The following EIF4ENIF1 variants were observed in gnomAD, a reference collection of about 807,000 sequenced individuals.
EIF4ENIF1 encodes eukaryotic translation initiation factor 4E transporter.
EIF4ENIF1 carries 23 observed loss-of-function variants against 110.5 expected under a neutral mutation model. That is an observed-to-expected ratio of 0.21 (90% confidence interval 0.15 to 0.29). The LOEUF (loss-of-function observed/expected upper bound fraction) is 0.29, where lower values mean the gene tolerates loss of function less well. Among genes scored for constraint, EIF4ENIF1 ranks in the 10% least tolerant of loss-of-function variants. The probability of loss-of-function intolerance (pLI) is 1.00; values close to 1 mark genes in which losing one functional copy is unlikely to be tolerated. For synonymous variants in EIF4ENIF1, 440 were observed against 437.0 expected (o/e 1.01, Z -0.09); for missense variants, 1,031 against 1,221.1 (o/e 0.84, Z 2.32).
Position 31,455,978 on chromosome 22 carries a change from C to T in EIF4ENIF1, c.973G>A (p.Asp325Asn). The change falls in exon 8 of 19, where the codon GAT (aspartate) becomes AAT (asparagine). Residue 325 changes from aspartate (D) to asparagine (N), a missense_variant. Asp to Asn is a conservative substitution (Grantham distance 23). Around this residue, in one of 3 missense-constraint regions of EIF4ENIF1, gnomAD observed 704 missense variants for 879.7 expected, o/e 0.80. Coordinates refer to ENST00000330125, the MANE Select transcript of EIF4ENIF1 (RefSeq NM_019843.4). ...KVPCLASMIE[D>N]VLGEGSVSAS... ...GAGACTGACCCTTCTCCCAAAACAT[C>T]TTCTATCATCTGAAGAAAAAGACAA... is the stretch of plus-strand genomic sequence containing the variant. The T allele has an allele frequency of 6.2e-7, 1 of 1,613,698 alleles. No individual in the cohort carries two copies. The highest frequency in any genetic ancestry group is 8.5e-7 in the Non-Finnish European group (1 of 1,179,898).
At chr22:31,453,376 C>CTTT in intron 10 of EIF4ENIF1, 517 of 322,070 alleles carry the variant, frequency 1.6e-3, no homozygotes, top group South Asian at 3.1e-3. Context: ...ACCCATCTTA[C>CTTT]TTTTTTTTTT....
chr22:31,491,491 T>A (rs1310278146), upstream of EIF4ENIF1, among the ~76,000 whole-genome samples: 2 of 149,770 alleles, frequency 1.3e-5, no homozygotes, highest in Admixed American at 6.6e-5. Context: ...CCTTTCCTCA[T>A]TTTTCCGAAA....
chr22:31,453,318 C>T, intron 10 of EIF4ENIF1: 1 of 363,038 alleles, frequency 2.8e-6, no homozygotes, highest in South Asian at 2.1e-5. Context: ...AACTTGGAGC[C>T]ACAACTTTTT....
intron 2 of EIF4ENIF1, among the ~76,000 whole-genome samples, chr22:31,473,935 T>C (rs1424291307): frequency 6.6e-6 from 1 of 152,328 alleles, no homozygotes; most frequent in East Asian, 1.9e-4. Flanking sequence ...TTTGCCACTC[T>C]AGCCCTCTCT....
At chr22:31,450,848 CACACACACACACACACACA>C (rs2050643832) in intron 10 of EIF4ENIF1, 1 of 67,848 alleles carries the variant, frequency 1.5e-5, no homozygotes, top group Non-Finnish European at 3.3e-5. Context: ...ATATACTACA[CACACACACACACACACACA>C]CACACACACA....
At position 31,485,199 on chromosome 22, in the gene EIF4ENIF1, A is replaced by C. The variant is rs555980432; in HGVS notation, c.96+3424T>G. Among the ~76,000 whole-genome samples, 6 of 152,338 alleles carry C rather than the reference A, an allele frequency of 3.9e-5. 1 individual carries two copies. The South Asian group carries it at 1.2e-3, about 32-fold the overall frequency. ...GTAGAAAGTAAACCTATTTCCAATT[A>C]ATTTGGTAGAAAAGACTTAAATCTA... On this transcript the variant is annotated intron_variant, in intron 2 of 18. Transcript: ENST00000330125.
At chr22:31,490,121 C>T (rs1190770191), upstream of EIF4ENIF1, among the ~76,000 whole-genome samples, 1 of 152,210 alleles carries the variant, frequency 6.6e-6, no homozygotes, top group Non-Finnish European at 1.5e-5. Context: ...GCCCAGAGGC[C>T]ACCGCCGCCG....
intron 2 of EIF4ENIF1, among the ~76,000 whole-genome samples, chr22:31,477,707 T>C (rs2051642946): frequency 6.6e-6 from 1 of 152,212 alleles, no homozygotes; most frequent in Non-Finnish European, 1.5e-5. Context: ...GGGCGCACTT[T>C]TGACCAAATA....
At chr22:31,485,483 A>C (rs1450289156) in intron 2 of EIF4ENIF1, among the ~76,000 whole-genome samples, 2 of 152,226 alleles carry the variant, frequency 1.3e-5, no homozygotes, top group Non-Finnish European at 2.9e-5. Flanking sequence ...GTGATTCAAA[A>C]GCCTCTCTGC....
intron 17 of EIF4ENIF1, among the ~76,000 whole-genome samples, chr22:31,441,100 C>T (rs1055781092): frequency 6.6e-6 from 1 of 152,072 alleles, no homozygotes; most frequent in Non-Finnish European, 1.5e-5. Context: ...ACTAAAAATA[C>T]AAAAATTAGC....
Position 31,462,993 on chromosome 22 carries a change from T to C in EIF4ENIF1, c.726A>G (p.Ile242Met), listed in dbSNP as rs1466733864. 1.2e-6 allele frequency: 2 copies of C among 1,614,094 alleles called. No individual in the cohort carries two copies. Among genetic ancestry groups the C allele is most frequent in the African/African-American group, 1.3e-5 (1 of 74,942 alleles). ...TTCTCCCTTTGTGATCTTCTTCTAG[T>C]ATCTTATCATCAAAGCCAGTCAGTT... ...TIELTGFDDKILEEDHKGRKR... is the reference protein window; with the variant it reads ...TIELTGFDDKMLEEDHKGRKR... Residue 242 changes from isoleucine (I) to methionine (M), a missense_variant, in exon 6 of 19, where the codon ATA (isoleucine) becomes ATG (methionine). Around this residue, in one of 3 missense-constraint regions of EIF4ENIF1, gnomAD observed 704 missense variants for 879.7 expected, o/e 0.80. Coordinates refer to ENST00000330125, the MANE Select transcript of EIF4ENIF1 (RefSeq NM_019843.4).
At chr22:31,487,384 C>T (rs2052072763) in intron 2 of EIF4ENIF1, among the ~76,000 whole-genome samples, 1 of 152,194 alleles carries the variant, frequency 6.6e-6, no homozygotes, top group Admixed American at 6.5e-5. Flanking sequence ...ATTAATCTGA[C>T]AGTATTTGAT....
chr22:31,446,818 C>T, intron 14 of EIF4ENIF1: 2 of 286,264 alleles, frequency 7.0e-6, no homozygotes, highest in Admixed American at 5.1e-5. Context: ...AATAATATTG[C>T]CACTCCTTTC....
At chr22:31,480,292 T>C (rs981301847) in intron 2 of EIF4ENIF1, among the ~76,000 whole-genome samples, 1 of 152,236 alleles carries the variant, frequency 6.6e-6, no homozygotes, top group Non-Finnish European at 1.5e-5. Context: ...GTGATCACTA[T>C]TAAAGTGGAA....
intron 4 of EIF4ENIF1, among the ~76,000 whole-genome samples, chr22:31,465,485 C>G (rs149992405): frequency 6.6e-6 from 1 of 152,182 alleles, no homozygotes; most frequent in Non-Finnish European, 1.5e-5. Flanking sequence ...TACTACTACA[C>G]GCCTATTACA....
intron 3 of EIF4ENIF1, among the ~76,000 whole-genome samples, chr22:31,470,045 TC>T (rs1161708504): frequency 6.7e-6 from 1 of 149,680 alleles, no homozygotes; most frequent in Non-Finnish European, 1.5e-5. Context: ...GTGCCTGTAA[TC>T]CCAACTACTC....
At chr22:31,458,275 G>A (rs1207158199) in intron 7 of EIF4ENIF1, among the ~76,000 whole-genome samples, 200 bp downstream of exon 7, 1 of 149,698 alleles carries the variant, frequency 6.7e-6, no homozygotes, top group Non-Finnish European at 1.5e-5. Context: ...AACACCACCA[G>A]CTTAAAAAAG....
At chr22:31,488,777 G>A (rs766167475) in intron 1 of EIF4ENIF1, 32 bp from the exon 2 acceptor site, 5 of 1,567,142 alleles carry the variant, frequency 3.2e-6, no homozygotes, top group Non-Finnish European at 4.3e-6. Context: ...AATTGTCACC[G>A]AGAACAGTAA....
chr22:31,468,217 C>G lies in EIF4ENIF1; in HGVS notation c.256G>C (p.Glu86Gln). 6.2e-7 allele frequency: 1 copy of G among 1,614,216 alleles called. No homozygotes were observed. The highest frequency in any genetic ancestry group is 1.7e-5 in the Admixed American group (1 of 60,022). The change falls in exon 4 of 19, where the codon GAG (glutamate) becomes CAG (glutamine). Residue 86 changes from glutamate (E) to glutamine (Q), a missense_variant. Glu to Gln is a conservative substitution (Grantham distance 29). Around this residue, in one of 3 missense-constraint regions of EIF4ENIF1, gnomAD observed 704 missense variants for 879.7 expected, o/e 0.80. Transcript: ENST00000330125. The part of the protein sequence containing the change: ...RSSPVESLKK[E>Q]LDTDRPSLVR... The stretch of plus-strand genomic sequence containing the variant: ...AGGGAAGGCCGGTCTGTATCCAACT[C>G]TTTCTTCAGACTTTCCACTGGTGAG...
Sources: gnomAD v4.1 joint callset for allele counts (sites outside exome capture counted in the v4.1 genomes callset) on GRCh38, gnomAD v4.1.1 for gene constraint, gnomAD v4.1.1 regional missense constraint, MANE v1.5 for transcripts, NCBI Gene and HGNC (gene_info 2026-07-23, HGNC 2026-07-21) for gene names.